The following PACRG variants were observed in gnomAD, a reference collection of about 807,000 sequenced individuals.
PACRG encodes parkin coregulated gene protein.
In PACRG, 29 loss-of-function variants were observed where a neutral mutation model predicts 29.7. The ratio of observed to expected loss-of-function variants is 0.98; its 90% CI spans 0.73 to 1.33. The LOEUF is 1.33. PACRG is among the 40% of genes most tolerant of loss of function. The pLI is 0.00. For missense variants in PACRG, 279 were observed against 316.2 expected (o/e 0.88, Z 0.89); for synonymous variants, 116 against 118.7 (o/e 0.98, Z 0.15).
At chr6:163,124,233 T>C (rs774066971) in intron 4 of PACRG, among the ~76,000 whole-genome samples, 4 of 152,338 alleles carry the variant, frequency 2.6e-5, no homozygotes, top group Non-Finnish European at 5.9e-5. Flanking sequence ...TGTTCTCCCA[T>C]TGCATAGGTG....
chr6:162,918,172 A>G (rs1327077588), intron 2 of PACRG, among the ~76,000 whole-genome samples: 1 of 152,202 alleles, frequency 6.6e-6, no homozygotes, highest in African/African-American at 2.4e-5. Context: ...GGTAATATCT[A>G]TTAAGCTTCC....
At chr6:162,895,929 G>A (rs1343269274) in intron 2 of PACRG, among the ~76,000 whole-genome samples, 1 of 152,148 alleles carries the variant, frequency 6.6e-6, no homozygotes, top group East Asian at 1.9e-4. Context: ...TGTGAAGATA[G>A]CTGAATGTTT....
At position 162,941,563 on chromosome 6, in the gene PACRG, G is replaced by A. The variant is rs954289452; in HGVS notation, c.292-120587G>A. On this transcript the variant is annotated intron_variant, in intron 2 of 4. Transcript: ENST00000366888. ...CACCTGCATTTTCCTGGCAGGAGGA[G>A]TTTCTGGGTGATTTTACTGTCATTG... is the stretch of plus-strand genomic sequence containing the variant. Among the ~76,000 whole-genome samples, 14 of 152,296 alleles carry A rather than the reference G, an allele frequency of 9.2e-5. 1 individual carries two copies. The highest frequency in any genetic ancestry group is 3.4e-3 in the Middle Eastern group (1 of 294).
intron 2 of PACRG, among the ~76,000 whole-genome samples, chr6:163,059,222 C>A (rs922554015): frequency 4.6e-5 from 7 of 152,314 alleles, no homozygotes; most frequent in African/African-American, 1.7e-4. Flanking sequence ...CTCACTCGCT[C>A]AATCTTTCAT....
At chr6:162,856,049 T>C (rs73603883) in intron 2 of PACRG, among the ~76,000 whole-genome samples, 7,065 of 152,052 alleles carry the variant, frequency 0.046, 570 homozygotes, top group African/African-American at 0.16. Flanking sequence ...TTGGTTTTGT[T>C]GTTGTTGTTG....
At chr6:162,880,478 T>C (rs1447657120) in intron 2 of PACRG, among the ~76,000 whole-genome samples, 1 of 152,210 alleles carries the variant, frequency 6.6e-6, no homozygotes, top group African/African-American at 2.4e-5. Flanking sequence ...TCACAAAATA[T>C]ACTGCAGAAG....
chr6:162,963,918 A>G (rs1326077972), intron 2 of PACRG, among the ~76,000 whole-genome samples: 1 of 152,084 alleles, frequency 6.6e-6, no homozygotes, highest in East Asian at 1.9e-4. Flanking sequence ...CACTATTTTA[A>G]CCTAGATTGT....
chr6:163,250,841 A>G (rs895491241), intron 4 of PACRG, among the ~76,000 whole-genome samples: 1 of 151,060 alleles, frequency 6.6e-6, no homozygotes, highest in Non-Finnish European at 1.5e-5. Context: ...TGTGGAACCA[A>G]CCCAAATGCC....
chr6:162,766,318 C>A (rs1044739989), intron 1 of PACRG, among the ~76,000 whole-genome samples: 1 of 152,144 alleles, frequency 6.6e-6, no homozygotes, highest in Non-Finnish European at 1.5e-5. Flanking sequence ...GTATTTGTTT[C>A]TCTGTGCCTG....
intron 4 of PACRG, among the ~76,000 whole-genome samples, chr6:163,296,119 C>T (rs1190334999): frequency 6.6e-6 from 1 of 152,174 alleles, no homozygotes; most frequent in Non-Finnish European, 1.5e-5. Context: ...GAAATATAGG[C>T]CCCCAAAGTC....
intron 4 of PACRG, among the ~76,000 whole-genome samples, chr6:163,307,410 G>A (rs1182764296): frequency 6.6e-6 from 1 of 152,222 alleles, no homozygotes; most frequent in African/African-American, 2.4e-5. Context: ...TTTCATTAAT[G>A]TCAACAAGAT....
intron 1 of PACRG, among the ~76,000 whole-genome samples, chr6:162,808,076 G>A (rs567175871): frequency 1.8e-4 from 28 of 152,180 alleles, no homozygotes; most frequent in African/African-American, 6.3e-4. Flanking sequence ...TGTAAGCATT[G>A]TCCTGGTCAT....
At chr6:163,115,215 A>T (rs1815920289) in intron 4 of PACRG, among the ~76,000 whole-genome samples, 2 of 152,122 alleles carry the variant, frequency 1.3e-5, no homozygotes, top group African/African-American at 4.8e-5. Context: ...AATAAAGGCG[A>T]TGTAGGCTGT....
chr6:162,993,024 G>T (rs995578783), intron 2 of PACRG, among the ~76,000 whole-genome samples: 1 of 146,730 alleles, frequency 6.8e-6, no homozygotes, highest in Non-Finnish European at 1.5e-5. Context: ...GGAGCAGGTT[G>T]TTCAGTTTCC....
At chr6:162,941,568 T>C (rs1375881410) in intron 2 of PACRG, among the ~76,000 whole-genome samples, 1 of 152,202 alleles carries the variant, frequency 6.6e-6, no homozygotes, top group Non-Finnish European at 1.5e-5. Context: ...GAGGAGTTTC[T>C]GGGTGATTTT....
At chr6:163,229,382 A>G (rs1283934427) in intron 4 of PACRG, among the ~76,000 whole-genome samples, 1 of 152,172 alleles carries the variant, frequency 6.6e-6, no homozygotes, top group Non-Finnish European at 1.5e-5. Flanking sequence ...CACCACCACC[A>G]CCACAACAAA....
chr6:162,922,874 A>G (rs556216608), intron 2 of PACRG, among the ~76,000 whole-genome samples: 2 of 152,302 alleles, frequency 1.3e-5, no homozygotes, highest in African/African-American at 4.8e-5. Flanking sequence ...AAATACAGAG[A>G]TGCAGATATC....
intron 2 of PACRG, among the ~76,000 whole-genome samples, chr6:162,835,714 G>A (rs1280968699): frequency 1.3e-5 from 2 of 152,062 alleles, no homozygotes; most frequent in Admixed American, 6.6e-5. Context: ...AGTAGCATGT[G>A]CTTTTTAATT....
intron 4 of PACRG, chr6:163,166,156 A>T (rs748329522): frequency 1.5e-5 from 7 of 456,126 alleles, no homozygotes; most frequent in South Asian, 1.1e-4. Flanking sequence ...CGCCCGGCAC[A>T]TGTGAAAGGG....
Sources: allele counts gnomAD v4.1 joint callset (sites outside exome capture counted in the v4.1 genomes callset), GRCh38; gene constraint gnomAD v4.1.1; transcripts MANE v1.5; gene names NCBI Gene and HGNC (gene_info 2026-07-23, HGNC 2026-07-21).